The following HDAC9 variants were observed in gnomAD, a reference collection of about 807,000 sequenced individuals.
HDAC9 encodes histone deacetylase 9.
A neutral mutation model predicts 139.4 loss-of-function variants in HDAC9; 41 were observed. The ratio of observed to expected loss-of-function variants is 0.29; its 90% confidence interval spans 0.23 to 0.38. The LOEUF (loss-of-function observed/expected upper bound fraction) is 0.38. Ranked by LOEUF, HDAC9 falls within the 10% of genes least tolerant of loss-of-function variation. The probability of loss-of-function intolerance (pLI) is 1.00; values close to 1 mark genes in which losing one functional copy is unlikely to be tolerated. For missense variants in HDAC9, 1,147 were observed against 1,297.0 expected, an observed-to-expected ratio of 0.88 and a Z score of 1.78; for synonymous variants, 517 against 476.2, an observed-to-expected ratio of 1.09 and a Z score of -1.12.
intron 22 of HDAC9, among the ~76,000 whole-genome samples, chr7:18,876,444 C>T (rs1799325643): frequency 6.6e-6 from 1 of 152,080 alleles, no homozygotes. Context: ...TGATATCATA[C>T]TTTACCTTTT....
intron 2 of HDAC9, among the ~76,000 whole-genome samples, chr7:18,512,957 G>A (rs1802010027): frequency 6.6e-6 from 1 of 152,146 alleles, no homozygotes; most frequent in Admixed American, 6.5e-5. Context: ...AGATGACAAG[G>A]AATAGAATAC....
intron 17 of HDAC9, among the ~76,000 whole-genome samples, chr7:18,822,320 AG>A (rs1381825295): frequency 6.6e-6 from 1 of 150,594 alleles, no homozygotes; most frequent in Non-Finnish European, 1.5e-5. Flanking sequence ...AGAGAGTCCA[AG>A]GGTTTGGTTT....
chr7:18,325,141 A>T (rs1681721059), intron 1 of HDAC9, among the ~76,000 whole-genome samples: 1 of 152,166 alleles, frequency 6.6e-6, no homozygotes, highest in Admixed American at 6.6e-5. Flanking sequence ...TTAATAAAAA[A>T]AGACCCAATA....
At chr7:18,176,638 T>G (rs1788926981) in intron 2 of HDAC9, among the ~76,000 whole-genome samples, 1 of 152,214 alleles carries the variant, frequency 6.6e-6, no homozygotes, top group Middle Eastern at 3.2e-3. Flanking sequence ...AAAATTCTGT[T>G]TGGGTAATTT....
At chr7:18,516,862 GAAAAAAAAAAAAAA>G (rs35689821) in intron 2 of HDAC9, among the ~76,000 whole-genome samples, 1 of 55,090 alleles carries the variant, frequency 1.8e-5, no homozygotes, top group African/African-American at 6.5e-5. Flanking sequence ...CTCCATTTCA[GAAAAAAAAAAAAAA>G]AAAAAAAAAG....
chr7:18,443,926 ATATGTATATATATGTATG>A (rs1585947464), intron 1 of HDAC9, among the ~76,000 whole-genome samples: 1 of 151,278 alleles, frequency 6.6e-6, no homozygotes, highest in Admixed American at 6.6e-5. Flanking sequence ...TGTATTATAT[ATATGTATATATATGTATG>A]TATGTATGTA....
rs1261355438 is a variant in HDAC9 at position 19,000,460 on chromosome 7, T to C, written c.*4398T>C. 1.3e-5 allele frequency: 2 copies of C among 152,240 alleles called. No individual in the cohort carries two copies. The highest frequency in any genetic ancestry group is 2.9e-5 in the Non-Finnish European group (2 of 68,032). The allele number at this position is 152,240 out of a possible 1,614,324, so 9.4% of individuals were successfully genotyped here. A position where few individuals can be genotyped will look rare whatever the true frequency, so the allele number is the denominator to read the frequency against. Reference sequence around the variant, plus strand: ...ATGACATTTGTAAGTGAACGTGGTATACTCACACATGCTATACTCATACTA... The same window carrying C: ...ATGACATTTGTAAGTGAACGTGGTACACTCACACATGCTATACTCATACTA... On this transcript the variant is annotated 3_prime_UTR_variant, in exon 26 of 26. Transcript: ENST00000686413.
chr7:18,239,915 C>T (rs1008479880), intron 2 of HDAC9, among the ~76,000 whole-genome samples: 2 of 150,678 alleles, frequency 1.3e-5, no homozygotes, highest in African/African-American at 2.4e-5. Flanking sequence ...AAAGAAGTAT[C>T]CTTGTACAGC....
chr7:18,287,244 A>G (rs1223985247), upstream of HDAC9, among the ~76,000 whole-genome samples: 2 of 152,102 alleles, frequency 1.3e-5, no homozygotes, highest in Non-Finnish European at 2.9e-5. Context: ...TTTATTTTAG[A>G]AAAATTAGAA....
Position 18,472,865 on chromosome 7 carries a change from C to T in HDAC9, c.-41-23397C>T, listed in dbSNP as rs117926941. On this transcript the variant is annotated intron_variant, in intron 1 of 3. Transcript: ENST00000413509. ...GTGTATGCCCCAGGAGGGCAGAGAT[C>T]TTGTCTCTGGTTTATCCCAGTTGTT... Among the ~76,000 whole-genome samples the T allele has an allele frequency of 3.0e-3, 461 of 152,320 alleles. 1 individual carries two copies. The highest frequency in any genetic ancestry group is 4.5e-3 in the Non-Finnish European group (303 of 68,032).
chr7:18,819,149 G>A (rs1001966529), intron 17 of HDAC9, among the ~76,000 whole-genome samples: 2 of 152,108 alleles, frequency 1.3e-5, no homozygotes, highest in Non-Finnish European at 2.9e-5. Flanking sequence ...GCTTTATGGT[G>A]CGCACTTGCA....
At chr7:18,859,288 C>T (rs1419840502) in intron 21 of HDAC9, among the ~76,000 whole-genome samples, 1 of 152,088 alleles carries the variant, frequency 6.6e-6, no homozygotes, top group Non-Finnish European at 1.5e-5. Flanking sequence ...GTTTCCTTGC[C>T]TCCAACATAA....
chr7:18,149,423 A>G (rs1331564545), intron 1 of HDAC9, among the ~76,000 whole-genome samples: 1 of 148,920 alleles, frequency 6.7e-6, no homozygotes, highest in Non-Finnish European at 1.5e-5. Context: ...TGGTGTGATC[A>G]TAACTCACTG....
At chr7:18,668,591 G>A (rs1033570522) in intron 12 of HDAC9, 16 of 981,030 alleles carry the variant, frequency 1.6e-5, no homozygotes, top group African/African-American at 1.8e-5. Flanking sequence ...GTTGGTGGAC[G>A]TTAATTGTTT....
At chr7:18,980,148 C>T (rs1382079191) in intron 25 of HDAC9, among the ~76,000 whole-genome samples, 5 of 151,966 alleles carry the variant, frequency 3.3e-5, no homozygotes, top group African/African-American at 1.2e-4. Flanking sequence ...CTCTATTTTC[C>T]CAACGTGTCT....
At chr7:18,860,815 C>A (rs1217912501) in intron 21 of HDAC9, among the ~76,000 whole-genome samples, 1 of 152,138 alleles carries the variant, frequency 6.6e-6, no homozygotes, top group Non-Finnish European at 1.5e-5. Flanking sequence ...TTTTATTGAG[C>A]AATCACAGGC....
intron 1 of HDAC9, among the ~76,000 whole-genome samples, chr7:18,095,359 G>C (rs535748611): frequency 8.3e-4 from 126 of 152,260 alleles, no homozygotes; most frequent in Middle Eastern, 3.4e-3. Context: ...ACTGTATTAG[G>C]AAAGTCTTTA....
At position 18,762,225 on chromosome 7, in the gene HDAC9, G is replaced by T; in HGVS notation, c.2112G>T (p.Leu704Phe). The T allele has an allele frequency of 1.2e-6, 2 of 1,613,646 alleles. No homozygotes were observed. The highest frequency in any genetic ancestry group is 1.3e-5 in the African/African-American group (1 of 75,012). ...TTCATTCTGAACATCACTCACTGTT[G>T]TATGGCACCAACCCCCTGGACGGAC... Reference protein sequence around the residue: ...QLVHSEHHSLLYGTNPLDGQK... With the variant: ...QLVHSEHHSLFYGTNPLDGQK... Residue 704 changes from leucine to phenylalanine, a missense_variant, in exon 15 of 26, where the codon TTG becomes TTT. Physicochemically the swap from Leu to Phe is conservative, Grantham distance 22. Coordinates refer to ENST00000686413, the MANE Select transcript of HDAC9 (RefSeq NM_178425.4).
intron 1 of HDAC9, among the ~76,000 whole-genome samples, chr7:18,473,471 G>A (rs1403055700): frequency 1.3e-5 from 2 of 152,184 alleles, no homozygotes; most frequent in South Asian, 2.1e-4. Context: ...ACTAATATGT[G>A]TATTCACAGC....
Sources: gnomAD v4.1 joint callset for allele counts (sites outside exome capture counted in the v4.1 genomes callset) on GRCh38, gnomAD v4.1.1 for gene constraint, MANE v1.5 for transcripts, NCBI Gene and HGNC (gene_info 2026-07-23, HGNC 2026-07-21) for gene names.